TCF4: variants seen among roughly 807,000 people sequenced by gnomAD.
The protein encoded by TCF4 is SL3-3 enhancer factor 2.
Under a neutral mutation model 82.1 loss-of-function variants are expected in TCF4, and 3 were observed. The observed-to-expected ratio is 0.04, with a 90% CI of 0.02 to 0.09. The LOEUF is 0.09. Among genes scored for constraint, TCF4 ranks in the 10% least tolerant of loss-of-function variants. TCF4 has a pLI of 1.00. For missense variants in TCF4, 518 were observed against 852.7 expected (o/e 0.61, Z 4.89); for synonymous variants, 276 against 309.6 (o/e 0.89, Z 1.14).
intron 8 of TCF4, among the ~76,000 whole-genome samples, chr18:55,301,595 T>A (rs997485908): frequency 6.6e-6 from 1 of 152,046 alleles, no homozygotes; most frequent in Non-Finnish European, 1.5e-5. Flanking sequence ...CTTCCCCCTA[T>A]CCCATTATAT....
At chr18:55,582,405 A>G (rs1350235931) in intron 3 of TCF4, among the ~76,000 whole-genome samples, 1 of 152,106 alleles carries the variant, frequency 6.6e-6, no homozygotes, top group African/African-American at 2.4e-5. Flanking sequence ...GAAGCTCTGA[A>G]CCATCATGGC....
At chr18:55,471,350 T>C (rs1383557890) in intron 3 of TCF4, among the ~76,000 whole-genome samples, 1 of 152,114 alleles carries the variant, frequency 6.6e-6, no homozygotes, top group Non-Finnish European at 1.5e-5. Flanking sequence ...TTCCAGCACT[T>C]CCCAAATCTG....
intron 3 of TCF4, among the ~76,000 whole-genome samples, chr18:55,491,809 T>A (rs1481062774): frequency 6.6e-6 from 1 of 152,184 alleles, no homozygotes; most frequent in African/African-American, 2.4e-5. Flanking sequence ...CAATTTTGCA[T>A]ATGTACTTTA....
chr18:55,281,146 C>T (rs1041375355), intron 8 of TCF4, among the ~76,000 whole-genome samples: 3 of 152,084 alleles, frequency 2.0e-5, no homozygotes, highest in Non-Finnish European at 2.9e-5. Context: ...CAGTGATTTG[C>T]TTCTATTTCC....
intron 8 of TCF4, among the ~76,000 whole-genome samples, chr18:55,306,807 A>T (rs954436581): frequency 6.6e-6 from 1 of 152,260 alleles, no homozygotes; most frequent in Non-Finnish European, 1.5e-5. Flanking sequence ...ACATGGCATC[A>T]TACCAGCCAC....
chr18:55,547,551 A>G (rs1603620842), intron 3 of TCF4, among the ~76,000 whole-genome samples: 1 of 152,240 alleles, frequency 6.6e-6, no homozygotes, highest in Middle Eastern at 3.2e-3. Context: ...TGTAAGGATC[A>G]AGAAAACTAC....
intron 3 of TCF4, among the ~76,000 whole-genome samples, chr18:55,504,215 C>T (rs1252215465): frequency 1.3e-5 from 2 of 152,186 alleles, no homozygotes; most frequent in African/African-American, 2.4e-5. Context: ...ATAAATGCTG[C>T]TCCCATGAAC....
chr18:55,569,875 G>T (rs2097445439), intron 3 of TCF4, among the ~76,000 whole-genome samples: 1 of 151,976 alleles, frequency 6.6e-6, no homozygotes. Context: ...ATGCCTCAAA[G>T]GGTTCTCAAA....
At chr18:55,304,053 A>T (rs2147042620) in intron 8 of TCF4, among the ~76,000 whole-genome samples, 1 of 152,302 alleles carries the variant, frequency 6.6e-6, no homozygotes, top group Non-Finnish European at 1.5e-5. Context: ...AAATCCAAAG[A>T]GTTAAGGAAA....
Position 55,482,100 on chromosome 18 carries a change from A to C in TCF4, c.146-17963T>G, listed in dbSNP as rs541931010. 5.3e-5 allele frequency: 8 copies of C among 152,366 alleles called. No individual in the cohort carries two copies. In the East Asian group the frequency reaches 1.3e-3, roughly 26 times the overall value. 9.4% of individuals were successfully genotyped at this position (152,366 alleles called of 1,614,324 possible). On this transcript the variant is annotated intron_variant, in intron 3 of 19. Transcript: ENST00000354452. ...AGGTATCAGGTGCAATCTGAGATAC[A>C]GTGGATCTACTATATTAGCAAGGAC...
At chr18:55,506,874 T>G (rs1041237615) in intron 3 of TCF4, among the ~76,000 whole-genome samples, 12 of 151,604 alleles carry the variant, frequency 7.9e-5, no homozygotes, top group Non-Finnish European at 1.5e-4. Context: ...TTTCTTTTTT[T>G]TTTTTTGAGA....
At chr18:55,513,484 GAA>G (rs1343232016) in intron 3 of TCF4, among the ~76,000 whole-genome samples, 2 of 150,688 alleles carry the variant, frequency 1.3e-5, no homozygotes, top group South Asian at 2.1e-4. Flanking sequence ...ACCAAATAGT[GAA>G]AGAGTGTAGT....
intron 3 of TCF4, among the ~76,000 whole-genome samples, chr18:55,497,906 T>C (rs1397899010): frequency 2.0e-5 from 3 of 152,214 alleles, no homozygotes; most frequent in Non-Finnish European, 2.9e-5. Flanking sequence ...TAATTCATTA[T>C]GATCAGTGCT....
At chr18:55,431,855 C>G (rs538463141) in intron 5 of TCF4, among the ~76,000 whole-genome samples, 31 of 152,204 alleles carry the variant, frequency 2.0e-4, no homozygotes, top group African/African-American at 7.2e-4. Flanking sequence ...AATGAGATAA[C>G]TAATGTCGGG....
intron 10 of TCF4, among the ~76,000 whole-genome samples, chr18:55,274,422 T>C (rs1014035854): frequency 5.3e-5 from 8 of 152,174 alleles, no homozygotes; most frequent in Non-Finnish European, 8.8e-5. Flanking sequence ...TTAGCATCTC[T>C]ACCACTAGGA....
At chr18:55,530,387 A>G (rs1727988288) in intron 3 of TCF4, among the ~76,000 whole-genome samples, 2 of 152,112 alleles carry the variant, frequency 1.3e-5, no homozygotes. Context: ...ATGGGGTGGT[A>G]AGAAAGCTAT....
At chr18:55,579,131 T>C (rs1249678621) in intron 3 of TCF4, among the ~76,000 whole-genome samples, 2 of 151,058 alleles carry the variant, frequency 1.3e-5, no homozygotes, top group African/African-American at 4.8e-5. Flanking sequence ...AGTGTTAATC[T>C]TCTCCAAAGA....
At chr18:55,283,142 C>T (rs553914581) in intron 8 of TCF4, among the ~76,000 whole-genome samples, 1 of 151,782 alleles carries the variant, frequency 6.6e-6, no homozygotes, top group East Asian at 1.9e-4. Flanking sequence ...TAACACTGAA[C>T]CTTGAACTGA....
upstream of TCF4, chr18:55,588,401 G>A (rs1329167117): frequency 2.3e-5 from 35 of 1,532,662 alleles, no homozygotes; most frequent in Non-Finnish European, 2.8e-5. Flanking sequence ...CCACCCCGAG[G>A]GGAAAAAAAA....
Sources: gnomAD v4.1 joint callset for allele counts (sites outside exome capture counted in the v4.1 genomes callset) on GRCh38, gnomAD v4.1.1 for gene constraint, MANE v1.5 for transcripts, NCBI Gene and HGNC (gene_info 2026-07-23, HGNC 2026-07-21) for gene names.